CCDC146: variants seen among roughly 807,000 people sequenced by gnomAD.
The protein encoded by CCDC146 is coiled-coil domain containing 146.
Under a neutral mutation model 119.3 loss-of-function variants are expected in CCDC146, and 92 were observed. That is an observed-to-expected ratio of 0.77 (90% CI 0.65 to 0.92). CCDC146 has a LOEUF of 0.92. Among genes scored for constraint, CCDC146 ranks in the 40% least tolerant of loss-of-function variants. CCDC146 has a pLI of 0.00. For missense variants in CCDC146, 1,000 were observed against 1,103.0 expected (o/e 0.91, Z 1.32); for synonymous variants, 372 against 371.8 (o/e 1.00, Z -0.01).
intron 2 of CCDC146, among the ~76,000 whole-genome samples, chr7:77,226,124 T>C (rs975365249): frequency 6.6e-6 from 1 of 152,224 alleles, no homozygotes; most frequent in Admixed American, 6.5e-5. Context: ...TGAGATAACC[T>C]ATGGGAAAAG....
intron 2 of CCDC146, among the ~76,000 whole-genome samples, chr7:77,177,360 T>C (rs1253420218): frequency 6.6e-6 from 1 of 152,166 alleles, no homozygotes; most frequent in Non-Finnish European, 1.5e-5. Context: ...CTCAAGGAGC[T>C]TACGAAGTAG....
At position 77,196,835 on chromosome 7, in the gene CCDC146, T is replaced by A; in HGVS notation, c.156+29011T>A. On this transcript the variant is annotated intron_variant, in intron 2 of 18. Coordinates refer to ENST00000285871, the MANE Select transcript of CCDC146 (RefSeq NM_020879.3). This position sits in a 1 kb window ranked among gnomAD's most constrained non-coding sequence, Gnocchi z 4.2. ...GTTGGTGCTCCCATCGAGACGTGCC[T>A]GCAGCACTGTCCAGCCTCCCCCCAT... The A allele has an allele frequency of 6.2e-7, 1 of 1,613,924 alleles. No homozygotes were observed. The highest frequency in any genetic ancestry group is 8.5e-7 in the Non-Finnish European group (1 of 1,179,970).
At chr7:77,283,723 C>T (rs561367208) in intron 15 of CCDC146, among the ~76,000 whole-genome samples, 5 of 152,208 alleles carry the variant, frequency 3.3e-5, no homozygotes, top group African/African-American at 1.2e-4. Context: ...ATGCCCTAGA[C>T]AGTTTTAGAT....
Position 77,274,484 on chromosome 7 carries a change from A to AATTATATC in CCDC146, c.1274_1281dup (p.Glu428LeufsTer9), listed in dbSNP as rs1229388882. 1 of 1,537,478 alleles carries AATTATATC rather than the reference A, an allele frequency of 6.5e-7. No individual in the cohort carries two copies. The highest frequency in any genetic ancestry group is 8.7e-7 in the Non-Finnish European group (1 of 1,143,820). ...TTATCTGTGTTTTTTTTCAAAAGAA[A>AATTATATC]ATTATATCAGAAATGGAGTCTAAGT... On this transcript the variant is annotated frameshift_variant, in exon 11 of 19. Transcript: ENST00000285871. LOFTEE classifies it high-confidence loss of function.
chr7:77,278,435 A>ATTTTTTT (rs140968354), intron 11 of CCDC146, among the ~76,000 whole-genome samples: 5 of 103,350 alleles, frequency 4.8e-5, no homozygotes, highest in Admixed American at 1.2e-4. Context: ...CCAAGAAATA[A>ATTTTTTT]TTTTTTTTTT....
intron 2 of CCDC146, among the ~76,000 whole-genome samples, chr7:77,203,495 G>C (rs1343159914): frequency 6.6e-6 from 1 of 152,108 alleles, no homozygotes; most frequent in Non-Finnish European, 1.5e-5. Flanking sequence ...AAAGAAATAG[G>C]ATGAGAACCA....
intron 2 of CCDC146, among the ~76,000 whole-genome samples, chr7:77,213,281 CA>C (rs1792224512): frequency 6.6e-6 from 1 of 151,670 alleles, no homozygotes; most frequent in Non-Finnish European, 1.5e-5. Flanking sequence ...TTAGTAGAAT[CA>C]AGGTCTCACC....
chr7:77,271,009 GC>G (rs1793500523), intron 9 of CCDC146, among the ~76,000 whole-genome samples: 1 of 148,444 alleles, frequency 6.7e-6, no homozygotes, highest in Non-Finnish European at 1.5e-5. Flanking sequence ...GGCACCCCCA[GC>G]TGCAAAGAAG....
intron 2 of CCDC146, among the ~76,000 whole-genome samples, chr7:77,210,064 G>A (rs1252738098): frequency 1.3e-5 from 2 of 152,200 alleles, no homozygotes; most frequent in African/African-American, 4.8e-5. Context: ...CTCCTCTTAT[G>A]CAAATTCTCA....
At chr7:77,168,954 T>A (rs1299929418) in intron 2 of CCDC146, among the ~76,000 whole-genome samples, 7 of 152,036 alleles carry the variant, frequency 4.6e-5, no homozygotes, top group African/African-American at 1.7e-4. Flanking sequence ...AAATTAACAT[T>A]GATATAATAC....
At chr7:77,145,396 G>T (rs1287156602) in intron 1 of CCDC146, among the ~76,000 whole-genome samples, 1 of 151,624 alleles carries the variant, frequency 6.6e-6, no homozygotes, top group Non-Finnish European at 1.5e-5. Flanking sequence ...TTTTTGAAGG[G>T]TTTTTTGTGT....
rs572865437 is a variant in CCDC146 at position 77,264,201 on chromosome 7, A to G, written c.1173+1894A>G. 2.0e-5 allele frequency among the ~76,000 whole-genome samples: 3 copies of G among 152,256 alleles called. No individual in the cohort carries two copies. In the South Asian group the frequency reaches 6.2e-4, roughly 32 times the overall value. ...TATTTTGTCTGATTTTAGAATAATA[A>G]CATCAGTTACACTATCTTTTGGCGT... is the stretch of plus-strand genomic sequence containing the variant. On this transcript the variant is annotated intron_variant, in intron 9 of 18. Coordinates refer to ENST00000285871, the MANE Select transcript of CCDC146 (RefSeq NM_020879.3).
At chr7:77,143,416 C>G (rs1020341127) in intron 1 of CCDC146, among the ~76,000 whole-genome samples, 2 of 151,708 alleles carry the variant, frequency 1.3e-5, no homozygotes, top group Admixed American at 1.3e-4. Context: ...AGCTCCTTAG[C>G]TTAATTAGAT....
chr7:77,271,643 G>T (rs1210720330), intron 9 of CCDC146, among the ~76,000 whole-genome samples: 4 of 148,276 alleles, frequency 2.7e-5, no homozygotes, highest in African/African-American at 5.0e-5. Context: ...AGGCAACCAG[G>T]AGGCTCTGCT....
rs1443131973 is a variant in CCDC146, at chr7:77,225,648, AAAG to A, written c.157-11292_157-11290del. Among the ~76,000 whole-genome samples, 6 of 151,962 alleles carry A rather than the reference AAAG, an allele frequency of 3.9e-5. 1 individual carries two copies. In the East Asian group the frequency reaches 5.8e-4, roughly 15 times the overall value. On this transcript the variant is annotated intron_variant, in intron 2 of 18. Transcript: ENST00000285871. The stretch of plus-strand genomic sequence containing the variant: ...CTACTAGACTATGCTAGCCAGTAAA[AAAG>A]AAGAAGTAGGGCCGTGCGTGGTGGC...
At chr7:77,184,184 GA>G (rs1000370031) in intron 2 of CCDC146, among the ~76,000 whole-genome samples, 7 of 151,994 alleles carry the variant, frequency 4.6e-5, no homozygotes, top group Non-Finnish European at 8.8e-5. Flanking sequence ...TCATGATACA[GA>G]AAAAAAAGCA....
chr7:77,261,986 G>A (rs185808590), intron 8 of CCDC146, 135 bp from the exon 9 acceptor site: 139 of 654,950 alleles, frequency 2.1e-4, no homozygotes, highest in African/African-American at 1.9e-3. Context: ...TGGGTCAAAC[G>A]GTAGTTCTGT....
intron 16 of CCDC146, 138 bp downstream of exon 16, chr7:77,287,064 ATCTAGTCATACAT>A: frequency 1.1e-6 from 1 of 936,292 alleles, no homozygotes; most frequent in Non-Finnish European, 1.6e-6. Context: ...TTTTGTTGTA[ATCTAGTCATACAT>A]TCTAAGCTTG....
rs374084832 is a variant in CCDC146 at position 77,167,635 on chromosome 7, C to T, written c.-11-23C>T. 3.5e-5 allele frequency: 54 copies of T among 1,525,566 alleles called. No individual in the cohort carries two copies. The African/African-American group carries it at 6.5e-4, about 18-fold the overall frequency. 94.5% of individuals were successfully genotyped at this position (1,525,566 alleles called of 1,614,324 possible). ...AAGTGAAGACACTCCTAAATAGCCA[C>T]ATATGTATTAATTTTATTTTAGAAT... On this transcript the variant is annotated intron_variant, in intron 1 of 18. Transcript: ENST00000285871.
Sources: allele counts gnomAD v4.1 joint callset (sites outside exome capture counted in the v4.1 genomes callset), GRCh38; gene constraint gnomAD v4.1.1; non-coding constraint Gnocchi (gnomAD v3.1); transcripts MANE v1.5; gene names NCBI Gene and HGNC (gene_info 2026-07-23, HGNC 2026-07-21).